Variants in CAST observed in about 807,000 individuals in gnomAD.
CAST encodes MIR583 host.
In CAST, 76 loss-of-function variants were observed where a neutral mutation model predicts 119.6. The ratio of observed to expected loss-of-function variants is 0.64; its 90% CI spans 0.53 to 0.77. CAST has a LOEUF of 0.77. CAST is among the 30% of genes least tolerant of loss of function. The pLI is 0.00. For synonymous variants in CAST, 319 were observed against 331.6 expected (o/e 0.96, Z 0.41); for missense variants, 953 against 946.5 (o/e 1.01, Z -0.09).
chr5:96,316,948 T>C, the CAST span, among the ~76,000 whole-genome samples: 2 of 151,962 alleles, frequency 1.3e-5, no homozygotes, highest in Admixed American at 1.3e-4. Flanking sequence ...TAATGTTGAA[T>C]GGAATGTTGA....
chr5:96,560,594 T>C (rs562913899), intron 1 of CAST, among the ~76,000 whole-genome samples: 1 of 152,262 alleles, frequency 6.6e-6, no homozygotes, highest in African/African-American at 2.4e-5. Context: ...AAAAGACACA[T>C]GAAAAATTGC....
At chr5:96,536,290 T>A (rs1745813502) in intron 1 of CAST, among the ~76,000 whole-genome samples, 1 of 151,726 alleles carries the variant, frequency 6.6e-6, no homozygotes, top group South Asian at 2.1e-4. Context: ...ACCTGAGAGG[T>A]GGAGGTTACG....
At chr5:96,234,135 C>G in the CAST span, among the ~76,000 whole-genome samples, 2 of 152,142 alleles carry the variant, frequency 1.3e-5, no homozygotes, top group African/African-American at 2.4e-5. Flanking sequence ...CCTCTCAAGT[C>G]TTCCACTGGC....
At chr5:96,332,534 A>G in the CAST span, among the ~76,000 whole-genome samples, 43 of 152,262 alleles carry the variant, frequency 2.8e-4, no homozygotes, top group Admixed American at 9.1e-4. Context: ...GTCTAAAATC[A>G]TGTTGCATGC....
chr5:96,257,624 T>A, the CAST span, among the ~76,000 whole-genome samples: 1 of 152,190 alleles, frequency 6.6e-6, no homozygotes, highest in South Asian at 2.1e-4. Flanking sequence ...ATGAGCCTTC[T>A]CCTAAGAACC....
At chr5:96,127,834 A>G in the CAST span, among the ~76,000 whole-genome samples, 2 of 152,216 alleles carry the variant, frequency 1.3e-5, no homozygotes, top group Non-Finnish European at 2.9e-5. Flanking sequence ...TCGATTTGTG[A>G]TAAACCCTGT....
the CAST span, among the ~76,000 whole-genome samples, chr5:96,289,423 T>A: frequency 6.6e-6 from 1 of 152,120 alleles, no homozygotes; most frequent in Non-Finnish European, 1.5e-5. Context: ...CAAGAGATAA[T>A]TGAATCATGG....
chr5:96,045,124 G>C, the CAST span, among the ~76,000 whole-genome samples: 1 of 152,052 alleles, frequency 6.6e-6, no homozygotes, highest in African/African-American at 2.4e-5. Flanking sequence ...AGGCTGAGGC[G>C]GATGGATCAC....
chr5:96,190,239 C>A, the CAST span, among the ~76,000 whole-genome samples: 1 of 152,146 alleles, frequency 6.6e-6, no homozygotes, highest in Admixed American at 6.5e-5. Context: ...CATTCAGTAT[C>A]TTTAGGTGCC....
the CAST span, among the ~76,000 whole-genome samples, chr5:96,242,647 T>A: frequency 6.6e-6 from 1 of 152,224 alleles, no homozygotes; most frequent in Non-Finnish European, 1.5e-5. Flanking sequence ...CTCCTCCAGG[T>A]TTCTCTTTTG....
intron 1 of CAST, among the ~76,000 whole-genome samples, chr5:96,646,414 A>G (rs1748014682): frequency 6.6e-6 from 1 of 152,270 alleles, no homozygotes. Flanking sequence ...TGAAGCAATT[A>G]CATAAGATGT....
the CAST span, among the ~76,000 whole-genome samples, chr5:96,488,664 G>A: frequency 3.9e-5 from 6 of 152,164 alleles, no homozygotes; most frequent in African/African-American, 7.2e-5. Flanking sequence ...AGAGGACTCC[G>A]TTTCCTTTCT....
chr5:96,762,261 T>A lies in CAST; in HGVS notation c.1834-13T>A, dbSNP rs772755063. On this transcript the variant is annotated splice_polypyrimidine_tract_variant and intron_variant, in intron 24 of 31. Transcript: ENST00000675179. ...ATACAACATGTTACTAATAAAATTT[T>A]TTTCAATAAAAGAAATTTGAAGATG... The A allele has an allele frequency of 1.3e-6, 2 of 1,586,140 alleles. No homozygotes were observed. Among genetic ancestry groups the A allele is most frequent in the Non-Finnish European group, 1.7e-6 (2 of 1,164,028 alleles).
chr5:96,163,831 C>T, the CAST span, among the ~76,000 whole-genome samples: 3 of 152,250 alleles, frequency 2.0e-5, no homozygotes, highest in African/African-American at 4.8e-5. Flanking sequence ...AAAACTGTTG[C>T]GAGGATCAGA....
At chr5:96,536,855 A>G (rs2150178936) in intron 1 of CAST, among the ~76,000 whole-genome samples, 1 of 152,224 alleles carries the variant, frequency 6.6e-6, no homozygotes, top group African/African-American at 2.4e-5. Flanking sequence ...AGAAAGAAGG[A>G]AGCAAGTAAG....
chr5:96,685,752 C>T (rs1453781595), intron 2 of CAST, among the ~76,000 whole-genome samples: 1 of 152,128 alleles, frequency 6.6e-6, no homozygotes, highest in Non-Finnish European at 1.5e-5. Context: ...ATGAGAAATT[C>T]AGACTCCTAG....
chr5:96,389,838 G>A, the CAST span, among the ~76,000 whole-genome samples: 2 of 152,178 alleles, frequency 1.3e-5, no homozygotes, highest in East Asian at 1.9e-4. Flanking sequence ...GGGAGGCTGA[G>A]GTGGGAAGAT....
the CAST span, among the ~76,000 whole-genome samples, chr5:96,149,461 C>T: frequency 1.2e-4 from 18 of 152,176 alleles, no homozygotes; most frequent in Non-Finnish European, 2.1e-4. Flanking sequence ...TTCTTTCTTC[C>T]TTCCCATGCT....
chr5:96,284,972 A>AT, the CAST span, among the ~76,000 whole-genome samples: 1 of 152,234 alleles, frequency 6.6e-6, no homozygotes, highest in Non-Finnish European at 1.5e-5. Context: ...GGGGACTTCT[A>AT]TTAGCCCTAA....
Sources: gnomAD v4.1 joint callset for allele counts (sites outside exome capture counted in the v4.1 genomes callset) on GRCh38, gnomAD v4.1.1 for gene constraint, MANE v1.5 for transcripts, NCBI Gene and HGNC (gene_info 2026-07-23, HGNC 2026-07-21) for gene names.